The following TBC1D14 variants were observed in gnomAD, a reference collection of about 807,000 sequenced individuals.
TBC1D14 encodes the protein TBC1 domain family, member 14.
TBC1D14 carries 26 observed loss-of-function variants against 79.0 expected under a neutral mutation model. That is an observed-to-expected ratio of 0.33 (90% confidence interval 0.24 to 0.46). The LOEUF is 0.46. Among genes scored for constraint, TBC1D14 ranks in the 20% least tolerant of loss-of-function variants. TBC1D14 has a pLI of 1.00. For missense variants in TBC1D14, 769 were observed against 887.6 expected (o/e 0.87, Z 1.70); for synonymous variants, 394 against 349.9 (o/e 1.13, Z -1.40).
intron 3 of TBC1D14, chr4:6,987,244 C>T (rs1717949027): frequency 1.7e-5 from 21 of 1,265,670 alleles, no homozygotes; most frequent in Non-Finnish European, 2.0e-5. Flanking sequence ...GGAGCCGCCG[C>T]GTCCGCCCGC....
rs138587332 is a variant in TBC1D14 at position 6,937,952 on chromosome 4, G to A, written c.722+13841G>A. Among the ~76,000 whole-genome samples the A allele has an allele frequency of 4.6e-5, 7 of 152,248 alleles. No individual in the cohort carries two copies. The East Asian group carries it at 9.7e-4, about 21-fold the overall frequency. ...TCTGACGTAGGCTCCCCCCGGGGCC[G>A]TTGCATTGCTGATTGAGCCGCATCT... On this transcript the variant is annotated intron_variant, in intron 2 of 13. Coordinates refer to ENST00000409757, the MANE Select transcript of TBC1D14 (RefSeq NM_020773.3).
chr4:6,993,318 C>G (rs1180646012), intron 3 of TBC1D14, among the ~76,000 whole-genome samples: 1 of 152,144 alleles, frequency 6.6e-6, no homozygotes, highest in African/African-American at 2.4e-5. Flanking sequence ...CACATTATTT[C>G]AGAAGCACCA....
chr4:6,939,113 C>G (rs1712640006), intron 2 of TBC1D14, among the ~76,000 whole-genome samples: 1 of 152,224 alleles, frequency 6.6e-6, no homozygotes, highest in African/African-American at 2.4e-5. Flanking sequence ...CACCCACTCC[C>G]TCTGCATCTG....
intron 1 of TBC1D14, among the ~76,000 whole-genome samples, chr4:6,914,904 T>A (rs1723275258): frequency 6.6e-6 from 1 of 152,064 alleles, no homozygotes; most frequent in African/African-American, 2.4e-5. Context: ...CCGGGCGTGG[T>A]GGTGGGCGGC....
At chr4:6,950,538 A>G (rs953425349) in intron 2 of TBC1D14, among the ~76,000 whole-genome samples, 1 of 152,200 alleles carries the variant, frequency 6.6e-6, no homozygotes, top group South Asian at 2.1e-4. Context: ...GATGTTTGCC[A>G]TAGGATACCT....
chr4:6,964,559 A>T (rs1487357645), intron 2 of TBC1D14, among the ~76,000 whole-genome samples: 1 of 152,232 alleles, frequency 6.6e-6, no homozygotes, highest in African/African-American at 2.4e-5. Context: ...TCCTTCACTG[A>T]TGGCGAAATC....
intron 2 of TBC1D14, among the ~76,000 whole-genome samples, chr4:6,925,134 A>C (rs1724186164): frequency 6.6e-6 from 1 of 152,164 alleles, no homozygotes; most frequent in Admixed American, 6.5e-5. Context: ...CTCTACTAAA[A>C]ATACAAAAAT....
intron 2 of TBC1D14, among the ~76,000 whole-genome samples, chr4:6,966,081 A>G (rs1715674923): frequency 6.6e-6 from 1 of 152,130 alleles, no homozygotes; most frequent in African/African-American, 2.4e-5. Flanking sequence ...ATTTGTACCT[A>G]TATGGGCTAG....
chr4:7,017,490 A>G (rs887798440), intron 12 of TBC1D14, among the ~76,000 whole-genome samples: 8 of 152,176 alleles, frequency 5.3e-5, no homozygotes, highest in Admixed American at 1.3e-4. Flanking sequence ...GATGGGTCCC[A>G]TAGCTCAGGT....
At chr4:7,023,612 C>G (rs534712439) in intron 12 of TBC1D14, among the ~76,000 whole-genome samples, 4 of 152,328 alleles carry the variant, frequency 2.6e-5, no homozygotes, top group African/African-American at 9.6e-5. Flanking sequence ...AAGCCTGCGA[C>G]GGTGCTGCTG....
intron 3 of TBC1D14, among the ~76,000 whole-genome samples, chr4:6,980,774 G>A (rs903193268): frequency 6.6e-6 from 1 of 151,538 alleles, no homozygotes; most frequent in Non-Finnish European, 1.5e-5. Flanking sequence ...GGAGTGCAGT[G>A]GTGTGATCTC....
At chr4:6,946,334 G>A (rs1243758757) in intron 2 of TBC1D14, among the ~76,000 whole-genome samples, 1 of 151,978 alleles carries the variant, frequency 6.6e-6, no homozygotes, top group Admixed American at 6.6e-5. Context: ...TATTTTACTT[G>A]TATTATTATT....
chr4:6,999,654 G>A (rs1448110209), intron 6 of TBC1D14, among the ~76,000 whole-genome samples: 3 of 152,076 alleles, frequency 2.0e-5, no homozygotes, highest in South Asian at 2.1e-4. Context: ...GGCCTCGCAT[G>A]TTCCAGGCCC....
At chr4:6,925,152 G>C (rs901113048) in intron 2 of TBC1D14, among the ~76,000 whole-genome samples, 1 of 152,182 alleles carries the variant, frequency 6.6e-6, no homozygotes, top group Non-Finnish European at 1.5e-5. Flanking sequence ...AATTAGCCAG[G>C]TATGGTGGTG....
At chr4:6,934,354 AG>A (rs1560257439) in intron 2 of TBC1D14, among the ~76,000 whole-genome samples, 1 of 152,004 alleles carries the variant, frequency 6.6e-6, no homozygotes, top group Non-Finnish European at 1.5e-5. Context: ...GGTGTCAACA[AG>A]GGGAGGGGCA....
At chr4:7,013,215 C>T (rs73799052) in intron 11 of TBC1D14, among the ~76,000 whole-genome samples, 2,337 of 152,296 alleles carry the variant, frequency 0.015, 68 homozygotes, top group African/African-American at 0.052. Flanking sequence ...ATGTCCTGTG[C>T]GCTGGAGGAT....
At chr4:7,025,707 C>T (rs899988198) in intron 13 of TBC1D14, among the ~76,000 whole-genome samples, 6 of 152,254 alleles carry the variant, frequency 3.9e-5, no homozygotes, top group African/African-American at 1.4e-4. Context: ...GATTACCCCC[C>T]TCTTACAACA....
intron 3 of TBC1D14, among the ~76,000 whole-genome samples, chr4:6,983,804 A>C (rs989149846): frequency 3.9e-5 from 6 of 152,220 alleles, no homozygotes; most frequent in Non-Finnish European, 5.9e-5. Flanking sequence ...ATTTATTCTG[A>C]GAAGTATAAA....
At chr4:6,989,602 G>T (rs1440784792) in intron 3 of TBC1D14, among the ~76,000 whole-genome samples, 1 of 152,208 alleles carries the variant, frequency 6.6e-6, no homozygotes, top group African/African-American at 2.4e-5. Context: ...GGGAGCCTCT[G>T]CCTGCATCGT....
Sources: allele counts gnomAD v4.1 joint callset (sites outside exome capture counted in the v4.1 genomes callset), GRCh38; gene constraint gnomAD v4.1.1; transcripts MANE v1.5; gene names NCBI Gene and HGNC (gene_info 2026-07-23, HGNC 2026-07-21).